Variants in ADGRL3 observed in about 807,000 individuals in gnomAD.
ADGRL3 encodes adhesion G protein-coupled receptor L3.
ADGRL3 carries 62 observed loss-of-function variants against 153.5 expected under a neutral mutation model. The observed-to-expected ratio is 0.40, with a 90% CI of 0.33 to 0.50. The LOEUF (loss-of-function observed/expected upper bound fraction) is 0.50, where lower values mean the gene tolerates loss of function less well. Ranked by LOEUF, ADGRL3 falls within the 20% of genes least tolerant of loss-of-function variation. The pLI, the probability that ADGRL3 is intolerant of heterozygous loss-of-function variation, is 0.47. For synonymous variants in ADGRL3, 710 were observed against 672.5 expected, an observed-to-expected ratio of 1.06 and a Z score of -0.86; for missense variants, 1,641 against 1,859.4, an observed-to-expected ratio of 0.88 and a Z score of 2.16.
Position 61,745,156 on chromosome 4 carries a change from G to A in ADGRL3, c.1399+11602G>A, listed in dbSNP as rs903499344. Among the ~76,000 whole-genome samples the A allele has an allele frequency of 2.6e-5, 4 of 152,108 alleles. 1 individual carries two copies. The highest frequency in any genetic ancestry group is 4.1e-4 in the South Asian group (2 of 4,830). ...TGAATGAACTGAAGCGAGAAGGGAA[G>A]TTTAGAGAAAAAAGAATAAAAAGAA... On this transcript the variant is annotated intron_variant, in intron 8 of 26. Transcript: ENST00000683033.
At chr4:61,396,157 C>T (rs1050844005) in intron 2 of ADGRL3, among the ~76,000 whole-genome samples, 3 of 151,836 alleles carry the variant, frequency 2.0e-5, no homozygotes, top group African/African-American at 4.8e-5. Flanking sequence ...ACAGATTTCC[C>T]GTACATACAT....
chr4:61,977,394 G>A (rs2099051883), intron 17 of ADGRL3, among the ~76,000 whole-genome samples: 1 of 152,014 alleles, frequency 6.6e-6, no homozygotes, highest in Non-Finnish European at 1.5e-5. Context: ...CAGGGAACCA[G>A]GTAGCACTAA....
intron 4 of ADGRL3, among the ~76,000 whole-genome samples, chr4:61,544,286 G>T (rs1327879224): frequency 6.6e-6 from 1 of 152,036 alleles, no homozygotes; most frequent in East Asian, 1.9e-4. Flanking sequence ...GACATTAGGT[G>T]GTATCTCATT....
intron 9 of ADGRL3, among the ~76,000 whole-genome samples, chr4:61,859,457 A>G (rs1176189977): frequency 6.6e-6 from 1 of 152,200 alleles, no homozygotes; most frequent in Non-Finnish European, 1.5e-5. Flanking sequence ...TTTTGTTTTC[A>G]TAATTCTGTG....
intron 21 of ADGRL3, among the ~76,000 whole-genome samples, chr4:62,016,835 T>C (rs2099214417): frequency 6.6e-6 from 1 of 152,148 alleles, no homozygotes; most frequent in African/African-American, 2.4e-5. Context: ...CTATATCTTC[T>C]TTTGTTGAGG....
intron 8 of ADGRL3, among the ~76,000 whole-genome samples, chr4:61,779,633 CAAAAAAAAA>C (rs1174232668): frequency 2.4e-5 from 1 of 42,096 alleles, no homozygotes; most frequent in African/African-American, 9.8e-5. Context: ...GACTCTGTCT[CAAAAAAAAA>C]AAAAAAAAAA....
chr4:61,644,803 G>A (rs902869646), intron 5 of ADGRL3, among the ~76,000 whole-genome samples: 5 of 152,082 alleles, frequency 3.3e-5, no homozygotes, highest in African/African-American at 4.8e-5. Flanking sequence ...TATTATGTCC[G>A]CTTGGTATAG....
rs1561350248 is a variant in ADGRL3 at position 61,847,604 on chromosome 4, TAATATA to T, written c.1480+33716_1480+33721del. 9.2e-4 allele frequency among the ~76,000 whole-genome samples: 62 copies of T among 67,284 alleles called. 2 individuals carry two copies. Among genetic ancestry groups the T allele is most frequent in the Non-Finnish European group, 8.7e-4 (33 of 37,948 alleles). The allele number at this position is 67,284 out of a possible 152,430, so 44.1% of individuals were successfully genotyped here. A position where few individuals can be genotyped will look rare whatever the true frequency, so the allele number is the denominator to read the frequency against. On this transcript the variant is annotated intron_variant, in intron 9 of 26. Coordinates refer to ENST00000683033, the MANE Select transcript of ADGRL3 (RefSeq NM_001387552.1). ...TGTGTGTGTATATATATATAATATA[TAATATA>T]TTATATATATAATATAAAATATATT...
intron 17 of ADGRL3, among the ~76,000 whole-genome samples, chr4:61,961,285 C>T (rs994028685): frequency 1.3e-5 from 2 of 152,270 alleles, no homozygotes; most frequent in South Asian, 4.1e-4. Flanking sequence ...GTGCCAGACA[C>T]TTGCAAACAC....
intron 1 of ADGRL3, among the ~76,000 whole-genome samples, chr4:61,213,713 T>C (rs925243573): frequency 1.3e-4 from 20 of 152,180 alleles, no homozygotes; most frequent in African/African-American, 4.3e-4. Context: ...TTTGAAAGCA[T>C]TAAGTATCAT....
chr4:61,872,136 T>C (rs1235417150), intron 9 of ADGRL3, among the ~76,000 whole-genome samples: 1 of 152,158 alleles, frequency 6.6e-6, no homozygotes, highest in Non-Finnish European at 1.5e-5. Context: ...AGATAACACT[T>C]AGGTCTCAAG....
In ADGRL3 at chr4:61,244,110, T is replaced by C. The variant is rs115752789; in HGVS notation, c.-240+42345T>C. 5.4e-3 allele frequency among the ~76,000 whole-genome samples: 819 copies of C among 152,120 alleles called. 6 individuals carry two copies. Among genetic ancestry groups the C allele is most frequent in the African/African-American group, 0.019 (792 of 41,540 alleles). On this transcript the variant is annotated intron_variant, in intron 1 of 26. Coordinates refer to ENST00000683033, the MANE Select transcript of ADGRL3 (RefSeq NM_001387552.1). ...TTATAGAGGAAATATTTGTAGGTTA[T>C]GGACTTCAGTGTGAGACCTTTGGCT...
chr4:61,403,755 T>C (rs1026017761), intron 2 of ADGRL3, among the ~76,000 whole-genome samples: 1 of 151,958 alleles, frequency 6.6e-6, no homozygotes, highest in African/African-American at 2.4e-5. Context: ...GTGTGACTGA[T>C]CTCTTAACTT....
chr4:61,520,514 G>C (rs563774165), intron 4 of ADGRL3, among the ~76,000 whole-genome samples: 1 of 152,240 alleles, frequency 6.6e-6, no homozygotes, highest in Non-Finnish European at 1.5e-5. Context: ...AGCCACAAAT[G>C]CTTCCACAAG....
intron 4 of ADGRL3, among the ~76,000 whole-genome samples, chr4:61,567,818 A>T (rs1226817995): frequency 6.6e-6 from 1 of 152,174 alleles, no homozygotes; most frequent in Middle Eastern, 3.2e-3. Context: ...GTTGCACCTC[A>T]ATTTGTACTA....
At chr4:61,714,361 TACACACACACACAA>T (rs1214184244) in intron 6 of ADGRL3, among the ~76,000 whole-genome samples, 1 of 149,826 alleles carries the variant, frequency 6.7e-6, no homozygotes, top group African/African-American at 2.5e-5. Context: ...TATACTTGAG[TACACACACACACAA>T]ACACACACAC....
chr4:61,239,152 G>A (rs965114820), intron 1 of ADGRL3, among the ~76,000 whole-genome samples: 1 of 152,016 alleles, frequency 6.6e-6, no homozygotes. Context: ...TGTTTTAAAT[G>A]GTTTCTATAA....
intron 25 of ADGRL3, among the ~76,000 whole-genome samples, chr4:62,048,112 C>G (rs1186163723): frequency 1.3e-5 from 2 of 152,120 alleles, no homozygotes; most frequent in Non-Finnish European, 2.9e-5. Context: ...AAATCTAATT[C>G]AAATCTCTAG....
At chr4:61,360,175 A>T (rs2096262145) in intron 1 of ADGRL3, among the ~76,000 whole-genome samples, 2 of 152,184 alleles carry the variant, frequency 1.3e-5, no homozygotes, top group African/African-American at 2.4e-5. Context: ...CTCAGAAGAT[A>T]ATAATCTATG....
Sources: allele counts gnomAD v4.1 joint callset (sites outside exome capture counted in the v4.1 genomes callset), GRCh38; gene constraint gnomAD v4.1.1; transcripts MANE v1.5; gene names NCBI Gene and HGNC (gene_info 2026-07-23, HGNC 2026-07-21).